The following RGS7 variants were observed in gnomAD, a reference collection of about 807,000 sequenced individuals.
RGS7 encodes the protein regulator of G-protein signaling 7.
In RGS7, 27 loss-of-function variants were observed where a neutral mutation model predicts 81.1. The observed-to-expected ratio is 0.33, with a 90% confidence interval of 0.25 to 0.46. RGS7 has a LOEUF of 0.46. RGS7 is among the 20% of genes least tolerant of loss of function. The pLI, the probability that RGS7 is intolerant of heterozygous loss-of-function variation, is 1.00. For missense variants in RGS7, 396 were observed against 607.4 expected, an observed-to-expected ratio of 0.65 and a Z score of 3.66; for synonymous variants, 208 against 207.7, an observed-to-expected ratio of 1.00 and a Z score of -0.01.
intron 2 of RGS7, among the ~76,000 whole-genome samples, chr1:241,331,618 C>G (rs1359710711): frequency 6.6e-6 from 1 of 152,136 alleles, no homozygotes; most frequent in Admixed American, 6.6e-5. Context: ...GTTTGTTACT[C>G]TAGTTCTGTA....
At chr1:241,112,411 C>A (rs1032391617) in intron 2 of RGS7, among the ~76,000 whole-genome samples, 1 of 152,128 alleles carries the variant, frequency 6.6e-6, no homozygotes, top group South Asian at 2.1e-4. Context: ...GTCCATGAAA[C>A]AATACCATGT....
rs2103218185 is a variant in RGS7 at position 241,164,265 on chromosome 1, C to G, written c.79-65503G>C. On this transcript the variant is annotated intron_variant, in intron 2 of 18. Transcript: ENST00000440928. The surrounding 1 kb of genome is among the most constrained non-coding windows in gnomAD (Gnocchi z 4.1). ...CAGCTATCCAGAAGCTCTCAGAACC[C>G]TATCCTCTTTTTTTTTTTTTTAAGC... Among the ~76,000 whole-genome samples, 1 of 84,454 alleles carries G rather than the reference C, an allele frequency of 1.2e-5. No individual in the cohort carries two copies. The highest frequency in any genetic ancestry group is 3.9e-4 in the East Asian group (1 of 2,566). The allele number at this position is 84,454 out of a possible 152,430, so 55.4% of individuals were successfully genotyped here.
intron 3 of RGS7, among the ~76,000 whole-genome samples, chr1:241,024,880 T>A (rs559828611): frequency 6.6e-6 from 1 of 151,940 alleles, no homozygotes; most frequent in Non-Finnish European, 1.5e-5. Context: ...CGAGAGTAAG[T>A]CAAAGAGATT....
intron 6 of RGS7, among the ~76,000 whole-genome samples, chr1:240,886,737 C>A (rs1375155535): frequency 1.3e-5 from 2 of 152,126 alleles, no homozygotes; most frequent in African/African-American, 4.8e-5. Context: ...CAGACTATGC[C>A]TAGAATAGAA....
At chr1:241,056,680 T>A in intron 3 of RGS7, among the ~76,000 whole-genome samples, 1 of 152,160 alleles carries the variant, frequency 6.6e-6, no homozygotes, top group Non-Finnish European at 1.5e-5. Flanking sequence ...TATTCAAAAC[T>A]CCTCCCTTTG....
chr1:241,308,742 C>T (rs956732529), intron 2 of RGS7, among the ~76,000 whole-genome samples: 3 of 152,064 alleles, frequency 2.0e-5, no homozygotes, highest in African/African-American at 4.8e-5. Flanking sequence ...GTCTACTGTG[C>T]GGGGGGCCCT....
At chr1:240,921,979 T>A (rs1572776606) in intron 6 of RGS7, among the ~76,000 whole-genome samples, 2 of 152,004 alleles carry the variant, frequency 1.3e-5, no homozygotes, top group Admixed American at 1.3e-4. Context: ...GAGTTGACAC[T>A]ACCAAACTTC....
intron 3 of RGS7, among the ~76,000 whole-genome samples, chr1:241,001,375 T>A (rs1688118515): frequency 6.6e-6 from 1 of 151,998 alleles, no homozygotes; most frequent in African/African-American, 2.4e-5. Context: ...CTGTACGGTA[T>A]AAAAAAGGCA....
intron 3 of RGS7, among the ~76,000 whole-genome samples, chr1:241,083,460 C>T (rs2063265086): frequency 6.6e-6 from 1 of 152,122 alleles, no homozygotes; most frequent in Admixed American, 6.6e-5. Context: ...GTCCATTTGA[C>T]TATGTGACAT....
intron 2 of RGS7, among the ~76,000 whole-genome samples, chr1:241,249,790 A>G (rs541524521): frequency 6.6e-6 from 1 of 152,292 alleles, no homozygotes; most frequent in South Asian, 2.1e-4. Context: ...TGCTTCTAGT[A>G]CTGCTGCTTG....
At chr1:241,326,979 A>C (rs1209732772) in intron 2 of RGS7, among the ~76,000 whole-genome samples, 1 of 113,762 alleles carries the variant, frequency 8.8e-6, no homozygotes, top group Non-Finnish European at 1.8e-5. Flanking sequence ...AGAGAGAGAG[A>C]GAAGAAAGGC....
chr1:241,075,260 T>A (rs1002726590), intron 3 of RGS7, among the ~76,000 whole-genome samples: 1 of 152,150 alleles, frequency 6.6e-6, no homozygotes, highest in Non-Finnish European at 1.5e-5. Flanking sequence ...TTAAAGAAAA[T>A]GTTAGTTCTA....
At chr1:241,175,585 G>A (rs949891735) in intron 2 of RGS7, among the ~76,000 whole-genome samples, 7 of 152,220 alleles carry the variant, frequency 4.6e-5, no homozygotes, top group Non-Finnish European at 1.0e-4. Flanking sequence ...ATGCCAGAAT[G>A]CTAGCCAGAC....
At chr1:240,993,846 G>A (rs1218826698) in intron 3 of RGS7, among the ~76,000 whole-genome samples, 1 of 151,926 alleles carries the variant, frequency 6.6e-6, no homozygotes, top group East Asian at 1.9e-4. Flanking sequence ...TTTTGTATTA[G>A]TGTTTGTATA....
Position 241,224,376 on chromosome 1 carries a change from T to C in RGS7, c.79-125614A>G, listed in dbSNP as rs1053080248. Among the ~76,000 whole-genome samples, 10 of 152,006 alleles carry C rather than the reference T, an allele frequency of 6.6e-5. 1 individual carries two copies. The highest frequency in any genetic ancestry group is 1.5e-4 in the Non-Finnish European group (10 of 68,014). ...GTTTTCTGTTCTTGTGATAGTTTGC[T>C]GAGAATGATGGCTTCCAGATGCATC... On this transcript the variant is annotated intron_variant, in intron 2 of 18. Coordinates refer to ENST00000440928, the MANE Select transcript of RGS7 (RefSeq NM_001364886.1).
chr1:240,835,241 C>T (rs1390819170), intron 9 of RGS7, among the ~76,000 whole-genome samples: 1 of 152,134 alleles, frequency 6.6e-6, no homozygotes, highest in Admixed American at 6.5e-5. Context: ...TAAAACCCAA[C>T]AATAAGAAGA....
intron 2 of RGS7, among the ~76,000 whole-genome samples, chr1:241,128,493 T>C (rs2066846399): frequency 6.8e-6 from 1 of 146,396 alleles, no homozygotes; most frequent in Admixed American, 7.0e-5. Flanking sequence ...AGGCTGAGGC[T>C]CGAGAAACGC....
At position 241,214,180 on chromosome 1, in the gene RGS7, A is replaced by G. The variant is rs539517938; in HGVS notation, c.79-115418T>C. Among the ~76,000 whole-genome samples the G allele has an allele frequency of 5.9e-5, 9 of 152,180 alleles. No individual in the cohort carries two copies. The South Asian group carries it at 1.7e-3, about 28-fold the overall frequency. ...TTTCAGCCTGAAGACCCCCTCCTTG[A>G]GCATTTCTCATGTTATAGACCTGTC... is the stretch of plus-strand genomic sequence containing the variant. On this transcript the variant is annotated intron_variant, in intron 2 of 18. Coordinates refer to ENST00000440928, the MANE Select transcript of RGS7 (RefSeq NM_001364886.1).
intron 2 of RGS7, among the ~76,000 whole-genome samples, chr1:241,122,493 T>G (rs2103001440): frequency 6.6e-6 from 1 of 152,042 alleles, no homozygotes; most frequent in Non-Finnish European, 1.5e-5. Context: ...TGAAACCCCA[T>G]CTCTACTAAA....
Sources: gnomAD v4.1 joint callset for allele counts (sites outside exome capture counted in the v4.1 genomes callset) on GRCh38, gnomAD v4.1.1 for gene constraint, Gnocchi (gnomAD v3.1) non-coding constraint, MANE v1.5 for transcripts, NCBI Gene and HGNC (gene_info 2026-07-23, HGNC 2026-07-21) for gene names.